The following HERC2 variants were observed in gnomAD, a reference collection of about 807,000 sequenced individuals.
HERC2 encodes HECT and RLD domain containing E3 ubiquitin protein ligase 2.
HERC2 carries 102 observed loss-of-function variants against 537.7 expected under a neutral mutation model. The ratio of observed to expected loss-of-function variants is 0.19; its 90% CI spans 0.16 to 0.22. The LOEUF (loss-of-function observed/expected upper bound fraction) is 0.22. Among genes scored for constraint, HERC2 ranks in the 10% least tolerant of loss-of-function variants. The pLI is 1.00. For missense variants in HERC2, 4,236 were observed against 6,198.2 expected, an observed-to-expected ratio of 0.68 and a Z score of 10.63; for synonymous variants, 2,224 against 2,466.2, an observed-to-expected ratio of 0.90 and a Z score of 2.91.
At chr15:28,142,679 A>G in intron 75 of HERC2, 148 bp downstream of exon 75, 3 of 736,696 alleles carry the variant, frequency 4.1e-6, no homozygotes, top group Non-Finnish European at 6.7e-6. Flanking sequence ...TTACACGATC[A>G]TTTCTTGAGA....
intron 2 of HERC2, among the ~76,000 whole-genome samples, chr15:28,310,038 C>T (rs1025025389): frequency 6.6e-6 from 1 of 152,168 alleles, no homozygotes; most frequent in Non-Finnish European, 1.5e-5. Context: ...GGTAGAGTGA[C>T]TCACATCTCT....
chr15:28,273,047 A>C (rs754946403), intron 7 of HERC2, 43 bp from the exon 8 acceptor site: 22 of 1,371,352 alleles, frequency 1.6e-5, no homozygotes, highest in Non-Finnish European at 2.3e-5. Flanking sequence ...CAACCTCCAG[A>C]AAGACAGCAT....
At chr15:28,238,325 G>A in intron 24 of HERC2, 108 bp from the exon 25 acceptor site, 1 of 897,574 alleles carries the variant, frequency 1.1e-6, no homozygotes, top group Non-Finnish European at 1.8e-6. Flanking sequence ...CAAAAGTGAG[G>A]GTTACCAGAG....
intron 2 of HERC2, among the ~76,000 whole-genome samples, chr15:28,320,870 A>C (rs1445204352): frequency 6.8e-6 from 1 of 148,070 alleles, no homozygotes; most frequent in Non-Finnish European, 1.5e-5. Context: ...ACTCCTCTTA[A>C]TAAGGAGTTA....
At chr15:28,183,468 C>T (rs1896016791) in intron 56 of HERC2, among the ~76,000 whole-genome samples, 1 of 152,202 alleles carries the variant, frequency 6.6e-6, no homozygotes, top group Non-Finnish European at 1.5e-5. Context: ...CCTGCTCAGC[C>T]TCCTAAAGTG....
intron 2 of HERC2, among the ~76,000 whole-genome samples, chr15:28,304,163 C>G (rs182831965): frequency 0.13 from 7,094 of 55,340 alleles, 413 homozygotes; most frequent in African/African-American, 0.34. Flanking sequence ...GAGACTCCAT[C>G]TCAAAAAAAA....
chr15:28,161,015 C>A (rs1469292479), intron 69 of HERC2, among the ~76,000 whole-genome samples: 1 of 152,152 alleles, frequency 6.6e-6, no homozygotes, highest in African/African-American at 2.4e-5. Flanking sequence ...TGCCAAGTAA[C>A]TTGTCTCAAA....
At position 28,222,197 on chromosome 15, in the gene HERC2, A is replaced by G. The variant is rs1900591185; in HGVS notation, c.5483T>C (p.Val1828Ala). 3 of 1,593,574 alleles carry G rather than the reference A, an allele frequency of 1.9e-6. No individual in the cohort carries two copies. Among genetic ancestry groups the G allele is most frequent in the Middle Eastern group, 2.2e-4 (1 of 4,448 alleles). ...AGCAGAAGCATTCATATCTTCCTCA[A>G]CGTTGTCACAACTGGGGCCTGATGG... ...LRLIGPSCDN[V>A]EEDMNASAQG... Residue 1828 changes from valine to alanine, a missense_variant, in exon 36 of 93, where the codon GTT becomes GCT. Physicochemically the swap from Val to Ala is moderately conservative, Grantham distance 64. Coordinates refer to ENST00000261609, the MANE Select transcript of HERC2 (RefSeq NM_004667.6).
At chr15:28,117,799 G>A (rs1050910248) in intron 86 of HERC2, 1 of 350,526 alleles carries the variant, frequency 2.9e-6, no homozygotes, top group Admixed American at 3.8e-5. Flanking sequence ...TAAAGGCTCA[G>A]GGGCCTCCAA....
At chr15:28,270,368 G>A (rs1356390148) in intron 10 of HERC2, among the ~76,000 whole-genome samples, 3 of 151,822 alleles carry the variant, frequency 2.0e-5, no homozygotes, top group East Asian at 1.9e-4. Flanking sequence ...AAGACAGTCC[G>A]CGTTCAGAGT....
Position 28,196,517 on chromosome 15 carries a change from G to C in HERC2, c.8064C>G (p.His2688Gln), listed in dbSNP as rs1336241238. 1 of 1,613,574 alleles carries C rather than the reference G, an allele frequency of 6.2e-7. No homozygotes were observed. Among genetic ancestry groups the C allele is most frequent in the African/African-American group, 1.3e-5 (1 of 74,906 alleles). ...DIIVDFPQQSHWTGLLSEMEL... is the reference protein window; with the variant it reads ...DIIVDFPQQSQWTGLLSEMEL... ...CCATTTCTGATAGCAACCCAGTCCA[G>C]TGAGACTGCTGGGGAAAGTCGACAA... Residue 2688 changes from histidine to glutamine, a missense_variant, in exon 51 of 93, where the codon CAC becomes CAG. Coordinates refer to ENST00000261609, the MANE Select transcript of HERC2 (RefSeq NM_004667.6).
rs143557450 is a variant in HERC2, at chr15:28,246,821, C to A, written c.3312G>T (p.Leu1104=). The change falls in exon 22 of 93, where the codon CTG becomes CTT. Residue 1104 remains leucine, a synonymous_variant. Transcript: ENST00000261609. ...ALLCTHIGDI[L]PVAASIASTS... ...TAGAAGCAATGCTGGCGGCCACAGG[C>A]AGTATATCTCCAATGTGCGTGCACA... 6.2e-7 allele frequency: 1 copy of A among 1,610,696 alleles called. No individual in the cohort carries two copies. Among genetic ancestry groups the A allele is most frequent in the East Asian group, 2.2e-5 (1 of 44,616 alleles).
At chr15:28,251,006 A>G (rs2075058532) in intron 20 of HERC2, among the ~76,000 whole-genome samples, 1 of 152,238 alleles carries the variant, frequency 6.6e-6, no homozygotes, top group Admixed American at 6.5e-5. Flanking sequence ...AATGTCCCAT[A>G]CAGGACCCCA....
At chr15:28,180,053 C>G (rs559574157) in intron 57 of HERC2, among the ~76,000 whole-genome samples, 1 of 152,202 alleles carries the variant, frequency 6.6e-6, no homozygotes, top group African/African-American at 2.4e-5. Context: ...CTGGCCTTCA[C>G]GTTCACTCAC....
chr15:28,248,241 T>C (rs1258241456), intron 21 of HERC2, among the ~76,000 whole-genome samples: 1 of 152,228 alleles, frequency 6.6e-6, no homozygotes, highest in African/African-American at 2.4e-5. Flanking sequence ...TCCTACATCA[T>C]GCCAGTCTCC....
In HERC2 at chr15:28,191,026, A is replaced by C. The variant is rs1482107406; in HGVS notation, c.8588T>G (p.Leu2863Arg). Reference sequence around the variant, plus strand: ...AGAAGGGTTAATATTGATTGTCTTTAGTTCAATAAGGTTATTCAGGGAATT... The same window carrying C: ...AGAAGGGTTAATATTGATTGTCTTTCGTTCAATAAGGTTATTCAGGGAATT... ...GGNSLNNLIE[L>R]KTININPSDT... The change falls in exon 55 of 93, where the codon CTA becomes CGA. Residue 2863 changes from leucine (L) to arginine (R), a missense_variant. Coordinates refer to ENST00000261609, the MANE Select transcript of HERC2 (RefSeq NM_004667.6). 1 of 1,612,592 alleles carries C rather than the reference A, an allele frequency of 6.2e-7. No individual in the cohort carries two copies. Among genetic ancestry groups the C allele is most frequent in the Non-Finnish European group, 8.5e-7 (1 of 1,178,588 alleles).
Position 28,144,149 on chromosome 15 carries a change from G to A in HERC2, c.11227C>T (p.Leu3743Phe), listed in dbSNP as rs769879755. 1.2e-6 allele frequency: 2 copies of A among 1,614,136 alleles called. No homozygotes were observed. Among genetic ancestry groups the A allele is most frequent in the East Asian group, 2.2e-5 (1 of 44,868 alleles). ...GGGACGATGCTTCTGTTAGAGGCAAGGTTGAGTCGGAAGTCTAACAGACAC... is the reference window on the plus strand; with the variant it reads ...GGGACGATGCTTCTGTTAGAGGCAAAGTTGAGTCGGAAGTCTAACAGACAC... Reference protein sequence around the residue: ...VTCLLDFRLNLASNRSIVPRL... With the variant: ...VTCLLDFRLNFASNRSIVPRL... Residue 3743 changes from leucine to phenylalanine, a missense_variant, in exon 73 of 93, where the codon CTT becomes TTT. By Grantham distance (22) the Leu-to-Phe change is conservative (BLOSUM62 0). Transcript: ENST00000261609.
intron 83 of HERC2, among the ~76,000 whole-genome samples, chr15:28,128,107 A>C (rs1163689766): frequency 3.9e-5 from 6 of 152,194 alleles, no homozygotes; most frequent in Non-Finnish European, 2.9e-5. Flanking sequence ...CATCGCAAAA[A>C]ATCCAAACAG....
chr15:28,314,407 C>T (rs1294343493), intron 2 of HERC2, among the ~76,000 whole-genome samples: 4 of 152,250 alleles, frequency 2.6e-5, no homozygotes, highest in Admixed American at 1.3e-4. Flanking sequence ...AATGAAGCAA[C>T]GGTATGCAGT....
Sources: allele counts gnomAD v4.1 joint callset (sites outside exome capture counted in the v4.1 genomes callset), GRCh38; gene constraint gnomAD v4.1.1; transcripts MANE v1.5; gene names NCBI Gene and HGNC (gene_info 2026-07-23, HGNC 2026-07-21).